Variants in DDX50 observed in about 807,000 individuals in gnomAD.
DDX50 encodes ATP-dependent RNA helicase DDX50.
A neutral mutation model predicts 94.8 loss-of-function variants in DDX50; 56 were observed. That is an observed-to-expected ratio of 0.59 (90% CI 0.48 to 0.74). DDX50 has a LOEUF of 0.74. DDX50 is among the 30% of genes least tolerant of loss of function. DDX50 has a pLI of 0.00. For missense variants in DDX50, 713 were observed against 881.2 expected (o/e 0.81, Z 2.42); for synonymous variants, 264 against 295.4 (o/e 0.89, Z 1.09).
At chr10:68,940,250 G>A (rs1589273151) in intron 12 of DDX50, among the ~76,000 whole-genome samples, 2 of 151,776 alleles carry the variant, frequency 1.3e-5, no homozygotes, top group Non-Finnish European at 2.9e-5. Flanking sequence ...ATGGTGGCAC[G>A]CACCTGTAGT....
chr10:68,911,035 AAAG>A, intron 3 of DDX50, 30 bp from the exon 4 acceptor site: 1 of 1,395,394 alleles, frequency 7.2e-7, no homozygotes, highest in Non-Finnish European at 9.5e-7. Flanking sequence ...TGCTAGTCGT[AAAG>A]AAGTATTTTA....
chr10:68,921,664 G>T (rs1014627820), intron 8 of DDX50, among the ~76,000 whole-genome samples: 10 of 152,150 alleles, frequency 6.6e-5, no homozygotes, highest in Non-Finnish European at 1.3e-4. Context: ...TTGTTATTAA[G>T]TAGATTCCTG....
chr10:68,916,445 A>G (rs999785680), intron 7 of DDX50, among the ~76,000 whole-genome samples: 3 of 152,124 alleles, frequency 2.0e-5, no homozygotes, highest in Admixed American at 6.5e-5. Context: ...GTATAGTAAA[A>G]AACAGTTGAT....
At chr10:68,922,795 T>C (rs1841975045) in intron 8 of DDX50, among the ~76,000 whole-genome samples, 2 of 124,870 alleles carry the variant, frequency 1.6e-5, no homozygotes, top group African/African-American at 2.8e-5. Context: ...CCTTTCTCTC[T>C]CTTTTTTTTT....
At chr10:68,925,547 G>T (rs1016712847) in intron 8 of DDX50, among the ~76,000 whole-genome samples, 2 of 152,194 alleles carry the variant, frequency 1.3e-5, no homozygotes, top group African/African-American at 2.4e-5. Context: ...GTCTTCCCCA[G>T]TGTCATTTTA....
At chr10:68,914,229 A>G in intron 7 of DDX50, 25 bp downstream of exon 7, 1 of 1,602,396 alleles carries the variant, frequency 6.2e-7, no homozygotes, top group Non-Finnish European at 8.5e-7. Flanking sequence ...AGCATGATAG[A>G]TTTTAGCTTT....
At chr10:68,902,375 A>G (rs1256748207) in intron 1 of DDX50, among the ~76,000 whole-genome samples, 3 of 152,296 alleles carry the variant, frequency 2.0e-5, no homozygotes, top group Non-Finnish European at 4.4e-5. Flanking sequence ...AATGAGACTT[A>G]TTTTGTATAG....
At position 68,913,552 on chromosome 10, in the gene DDX50, A is replaced by G. The variant is rs1316265041; in HGVS notation, c.919A>G (p.Ile307Val). ...DLGFAEQVED[I>V]IHESYKTDSE... ...AGGTTTCGCTGAACAAGTTGAAGAT[A>G]TTATTCATGAATCCTACAAAACTGG... Residue 307 changes from isoleucine (I) to valine (V), a missense_variant, in exon 6 of 15, where the codon ATT becomes GTT. By Grantham distance (29) the Ile-to-Val change is conservative. Coordinates refer to ENST00000373585, the MANE Select transcript of DDX50 (RefSeq NM_024045.2). The G allele has an allele frequency of 1.9e-6, 3 of 1,613,220 alleles. No homozygotes were observed. The highest frequency in any genetic ancestry group is 1.1e-5 in the South Asian group (1 of 90,762).
intron 12 of DDX50, among the ~76,000 whole-genome samples, chr10:68,939,497 T>G (rs1221997956): frequency 1.3e-5 from 2 of 152,202 alleles, no homozygotes; most frequent in Non-Finnish European, 2.9e-5. Context: ...TCCTATAGGC[T>G]TTTCCTCTTG....
At chr10:68,931,534 G>A (rs913712205) in intron 8 of DDX50, among the ~76,000 whole-genome samples, 7 of 149,898 alleles carry the variant, frequency 4.7e-5, no homozygotes, top group Admixed American at 1.3e-4. Context: ...TCTGCCTCCC[G>A]GTTTCCAGTG....
At position 68,906,987 on chromosome 10, in the gene DDX50, A is replaced by G. The variant is rs1841471847; in HGVS notation, c.364A>G (p.Ser122Gly). ...TTTAGATACTTCTACTCATAAATCA[A>G]GTGATAATAAACTAGAGGAGGTATG... ...SSLDTSTHKS[S>G]DNKLEETLTR... Residue 122 changes from serine (S) to glycine (G), a missense_variant, in exon 2 of 15, where the codon AGT becomes GGT. By Grantham distance (56) the Ser-to-Gly change is moderately conservative. Coordinates refer to ENST00000373585, the MANE Select transcript of DDX50 (RefSeq NM_024045.2). 6.3e-7 allele frequency: 1 copy of G among 1,582,714 alleles called. No homozygotes were observed. The highest frequency in any genetic ancestry group is 1.4e-5 in the African/African-American group (1 of 72,626).
chr10:68,909,699 G>A (rs1458599231), intron 2 of DDX50, among the ~76,000 whole-genome samples: 2 of 151,720 alleles, frequency 1.3e-5, no homozygotes, highest in Non-Finnish European at 2.9e-5. Flanking sequence ...TTTCGCTCTT[G>A]TTGCCCCGGC....
At chr10:68,926,483 C>T (rs1842093324) in intron 8 of DDX50, among the ~76,000 whole-genome samples, 1 of 151,956 alleles carries the variant, frequency 6.6e-6, no homozygotes, top group Non-Finnish European at 1.5e-5. Context: ...AGTAGTATCT[C>T]ATTATGAGTT....
At chr10:68,907,342 GTCTC>G in intron 2 of DDX50, among the ~76,000 whole-genome samples, 1 of 133,488 alleles carries the variant, frequency 7.5e-6, no homozygotes, top group East Asian at 2.3e-4. Context: ...TTGAGTCAGA[GTCTC>G]TCTCTGTTTC....
chr10:68,922,450 T>C (rs1398468555), intron 8 of DDX50, among the ~76,000 whole-genome samples: 1 of 152,218 alleles, frequency 6.6e-6, no homozygotes, highest in Non-Finnish European at 1.5e-5. Flanking sequence ...TTTTATCTCA[T>C]TGAAAAACTG....
intron 1 of DDX50, among the ~76,000 whole-genome samples, chr10:68,903,898 C>G (rs1379708164): frequency 4.0e-5 from 6 of 151,460 alleles, no homozygotes; most frequent in Non-Finnish European, 1.5e-5. Flanking sequence ...ATTGCTTGAA[C>G]CTGGGAGGCA....
chr10:68,906,460 C>A, intron 1 of DDX50: 1 of 348,706 alleles, frequency 2.9e-6, no homozygotes, highest in Non-Finnish European at 5.1e-6. Context: ...TTTAATTTTC[C>A]TTAAATCTTA....
At position 68,931,763 on chromosome 10, in the gene DDX50, A is replaced by G. The variant is rs566546777; in HGVS notation, c.1240-2436A>G. ...TGTTCATGATATTTTTCTGCTTATA[A>G]TCATTCAGTTGTTTCATATTGTCCT... On this transcript the variant is annotated intron_variant, in intron 8 of 14. Transcript: ENST00000373585. Among the ~76,000 whole-genome samples the G allele has an allele frequency of 4.6e-5, 7 of 152,072 alleles. No homozygotes were observed. The South Asian group carries it at 1.5e-3, about 32-fold the overall frequency.
chr10:68,907,937 T>G (rs1841505617), intron 2 of DDX50, among the ~76,000 whole-genome samples: 2 of 152,318 alleles, frequency 1.3e-5, no homozygotes, highest in Admixed American at 6.5e-5. Context: ...GGAATTCTAC[T>G]TAAAGGAATT....
Sources: gnomAD v4.1 joint callset for allele counts (sites outside exome capture counted in the v4.1 genomes callset) on GRCh38, gnomAD v4.1.1 for gene constraint, MANE v1.5 for transcripts, NCBI Gene and HGNC (gene_info 2026-07-23, HGNC 2026-07-21) for gene names.